NSMAF: variants seen among roughly 807,000 people sequenced by gnomAD.
The protein encoded by NSMAF is protein FAN.
NSMAF carries 90 observed loss-of-function variants against 134.9 expected under a neutral mutation model. The observed-to-expected ratio is 0.67, with a 90% CI of 0.56 to 0.79. The LOEUF is 0.79. Ranked by LOEUF, NSMAF falls within the 30% of genes least tolerant of loss-of-function variation. NSMAF has a pLI of 0.00. For missense variants in NSMAF, 1,010 were observed against 1,119.0 expected (o/e 0.90, Z 1.39); for synonymous variants, 358 against 389.6 (o/e 0.92, Z 0.96).
chr8:58,648,852 G>A (rs913688810), intron 1 of NSMAF, among the ~76,000 whole-genome samples: 6 of 152,218 alleles, frequency 3.9e-5, no homozygotes, highest in East Asian at 1.9e-4. Flanking sequence ...CTGGAATCCC[G>A]GGCAGAAGCC....
At chr8:58,612,237 A>T (rs1806545293) in intron 9 of NSMAF, among the ~76,000 whole-genome samples, 1 of 152,152 alleles carries the variant, frequency 6.6e-6, no homozygotes, top group African/African-American at 2.4e-5. Context: ...TTTTCAGCAT[A>T]AGGTAGAGAG....
rs190289889 is a variant in NSMAF, at chr8:58,643,306, T to G, written c.60-233A>C. 6.9e-3 allele frequency among the ~76,000 whole-genome samples: 1,056 copies of G among 152,304 alleles called. 8 individuals carry two copies. Among genetic ancestry groups the G allele is most frequent in the Non-Finnish European group, 0.011 (753 of 68,016 alleles). ...GTCAAAAATAAAATCACTCACCAGG[T>G]GGATGTACTACTCTTTTACAGAAAC... On this transcript the variant is annotated intron_variant, in intron 1 of 30. Coordinates refer to ENST00000038176, the MANE Select transcript of NSMAF (RefSeq NM_003580.4).
chr8:58,586,618 A>G lies in NSMAF; in HGVS notation c.2296-10T>C. 1 of 1,603,710 alleles carries G rather than the reference A, an allele frequency of 6.2e-7. No homozygotes were observed. The highest frequency in any genetic ancestry group is 1.1e-5 in the South Asian group (1 of 89,874). On this transcript the variant is annotated splice_polypyrimidine_tract_variant and intron_variant, in intron 27 of 30. Coordinates refer to ENST00000038176, the MANE Select transcript of NSMAF (RefSeq NM_003580.4). ...AACTGATTGTATCTACCTAAGGAAGAAAACACATTGATACATATTCCATTA... is the reference window on the plus strand; with the variant it reads ...AACTGATTGTATCTACCTAAGGAAGGAAACACATTGATACATATTCCATTA...
At chr8:58,644,130 G>T (rs1450362873) in intron 1 of NSMAF, among the ~76,000 whole-genome samples, 1 of 152,184 alleles carries the variant, frequency 6.6e-6, no homozygotes, top group Non-Finnish European at 1.5e-5. Flanking sequence ...TGAAAAGTGT[G>T]GGACTTGAGA....
chr8:58,627,688 T>C (rs576754518), intron 6 of NSMAF, among the ~76,000 whole-genome samples: 3 of 152,122 alleles, frequency 2.0e-5, no homozygotes, highest in Non-Finnish European at 4.4e-5. Context: ...AGAAAAACTA[T>C]AAAACACTAT....
chr8:58,609,068 T>C (rs1294016497), intron 10 of NSMAF, among the ~76,000 whole-genome samples: 1 of 152,196 alleles, frequency 6.6e-6, no homozygotes, highest in Admixed American at 6.5e-5. Context: ...TCCAACATCC[T>C]AGCAGGAGCC....
intron 2 of NSMAF, 65 bp from the exon 3 acceptor site, chr8:58,635,611 C>T: frequency 1.0e-6 from 1 of 957,514 alleles, no homozygotes; most frequent in Non-Finnish European, 1.6e-6. Flanking sequence ...AATCATAGTA[C>T]ATTTTAACTA....
In NSMAF at chr8:58,659,128, G is replaced by A. The variant is rs545135493; in HGVS notation, c.59+445C>T. On this transcript the variant is annotated intron_variant, in intron 1 of 30. Transcript: ENST00000038176. The stretch of plus-strand genomic sequence containing the variant: ...CGGCGACCAACTCTGCGGCGCCGGC[G>A]CCGAGTGCCTGGACCCGATTAAGGG... The A allele has an allele frequency of 6.3e-4, 800 of 1,267,310 alleles. 11 individuals carry two copies. The African/African-American group carries it at 0.012, about 19-fold the overall frequency. 78.5% of individuals were successfully genotyped at this position (1,267,310 alleles called of 1,614,324 possible). A position where few individuals can be genotyped will look rare whatever the true frequency, so the allele number is the denominator to read the frequency against.
chr8:58,583,835 C>G lies in NSMAF; in HGVS notation c.*271G>C. 2.3e-6 allele frequency: 1 copy of G among 425,590 alleles called. No individual in the cohort carries two copies. Among genetic ancestry groups the G allele is most frequent in the South Asian group, 2.4e-5 (1 of 42,532 alleles). The allele number at this position is 425,590 out of a possible 1,614,324, so 26.4% of individuals were successfully genotyped here. A position where few individuals can be genotyped will look rare whatever the true frequency, so the allele number is the denominator to read the frequency against. On this transcript the variant is annotated 3_prime_UTR_variant, in exon 31 of 31. Transcript: ENST00000038176. The stretch of plus-strand genomic sequence containing the variant: ...CTTAGCTATTCTCTGCTACTTAGTC[C>G]TGTCTTCTGACAATCATCATACGGG...
intron 1 of NSMAF, among the ~76,000 whole-genome samples, chr8:58,654,045 A>C (rs1367395974): frequency 6.6e-6 from 1 of 152,124 alleles, no homozygotes; most frequent in African/African-American, 2.4e-5. Flanking sequence ...AGAAAAAAAA[A>C]CCCTATTTCT....
At position 58,659,801 on chromosome 8, in the gene NSMAF, G is replaced by A; in HGVS notation, c.-170C>T. On this transcript the variant is annotated 5_prime_UTR_variant, in exon 1 of 31. The change creates a new upstream start codon in the 5' untranslated region. Transcript: ENST00000038176. ...TGGGCGGCCGAGAGCCCGACGCGGC[G>A]TCCCGGCCGCGCTCACCGCAGCATC... 2.9e-6 allele frequency: 1 copy of A among 343,480 alleles called. No individual in the cohort carries two copies. The highest frequency in any genetic ancestry group is 4.9e-6 in the Non-Finnish European group (1 of 202,602). 21.3% of individuals were successfully genotyped at this position (343,480 alleles called of 1,614,324 possible).
intron 1 of NSMAF, among the ~76,000 whole-genome samples, chr8:58,647,560 C>T (rs1477104790): frequency 6.6e-6 from 1 of 152,110 alleles, no homozygotes; most frequent in Non-Finnish European, 1.5e-5. Context: ...TCCCTCATGA[C>T]TCAGCACCAT....
At chr8:58,656,685 C>T (rs923145110) in intron 1 of NSMAF, among the ~76,000 whole-genome samples, 1 of 151,890 alleles carries the variant, frequency 6.6e-6, no homozygotes, top group Admixed American at 6.6e-5. Flanking sequence ...AAAAAATTAG[C>T]CGGGCGTGGT....
chr8:58,619,754 A>G (rs574169531), intron 9 of NSMAF, among the ~76,000 whole-genome samples: 1 of 152,324 alleles, frequency 6.6e-6, no homozygotes, highest in African/African-American at 2.4e-5. Context: ...GAAGAAAATC[A>G]TAAGGAATAT....
chr8:58,623,091 A>G, intron 9 of NSMAF, 129 bp downstream of exon 9: 1 of 706,858 alleles, frequency 1.4e-6, no homozygotes, highest in Non-Finnish European at 2.5e-6. Context: ...ACTGAGGCTG[A>G]GCCATTCTCT....
At chr8:58,591,127 G>A (rs1015394540) in intron 23 of NSMAF, 193 bp from the exon 24 acceptor site, 5 of 444,672 alleles carry the variant, frequency 1.1e-5, no homozygotes, top group Non-Finnish European at 1.8e-5. Context: ...TCTATGACCT[G>A]TAACCCCATG....
intron 21 of NSMAF, among the ~76,000 whole-genome samples, chr8:58,597,104 C>CACAGA (rs1296979887): frequency 6.6e-6 from 1 of 152,098 alleles, no homozygotes; most frequent in Non-Finnish European, 1.5e-5. Context: ...GCTTCAAAAC[C>CACAGA]ACAGAAGAGA....
In NSMAF at chr8:58,602,104, C is replaced by T. The variant is rs753234949; in HGVS notation, c.1079G>A (p.Ser360Asn). Residue 360 changes from serine (S) to asparagine (N), a missense_variant, in exon 14 of 31, where the codon AGT becomes AAT. Physicochemically the swap from Ser to Asn is conservative, Grantham distance 46. Coordinates refer to ENST00000038176, the MANE Select transcript of NSMAF (RefSeq NM_003580.4). ...CTTATTTAGGGCCCCTACTGGCTTA[C>T]TGAGATCCCGGAAGGTTCCTGGATT... Reference protein sequence around the residue: ...LSNPGTFRDLSKPVGALNKER... With the variant: ...LSNPGTFRDLNKPVGALNKER... 2 of 1,613,530 alleles carry T rather than the reference C, an allele frequency of 1.2e-6. No homozygotes were observed. The highest frequency in any genetic ancestry group is 2.2e-5 in the East Asian group (1 of 44,868).
rs367902053 is a variant in NSMAF at position 58,597,377 on chromosome 8, C to T, written c.1792+10G>A. 2.0e-5 allele frequency: 33 copies of T among 1,611,300 alleles called. No individual in the cohort carries two copies. Among genetic ancestry groups the T allele is most frequent in the African/African-American group, 2.7e-5 (2 of 74,758 alleles). On this transcript the variant is annotated intron_variant, in intron 21 of 30. Coordinates refer to ENST00000038176, the MANE Select transcript of NSMAF (RefSeq NM_003580.4). Reference sequence around the variant, plus strand: ...AAGGTGCTCACGTTTATTCTCTTTACAAAATTTACCTGGGGAATCTGCCAT... The same window carrying T: ...AAGGTGCTCACGTTTATTCTCTTTATAAAATTTACCTGGGGAATCTGCCAT...
Sources: allele counts gnomAD v4.1 joint callset (sites outside exome capture counted in the v4.1 genomes callset), GRCh38; gene constraint gnomAD v4.1.1; transcripts MANE v1.5; gene names NCBI Gene and HGNC (gene_info 2026-07-23, HGNC 2026-07-21).